SCARB2: variants seen among roughly 807,000 people sequenced by gnomAD.
SCARB2 encodes the protein scavenger receptor class B member 2.
In SCARB2, 29 loss-of-function variants were observed where a neutral mutation model predicts 58.6. The ratio of observed to expected loss-of-function variants is 0.49; its 90% confidence interval spans 0.37 to 0.67. SCARB2 has a LOEUF of 0.67. SCARB2 is among the 30% of genes least tolerant of loss of function. The pLI, the probability that SCARB2 is intolerant of heterozygous loss-of-function variation, is 0.00. For missense variants in SCARB2, 488 were observed against 578.5 expected (o/e 0.84, Z 1.60); for synonymous variants, 195 against 210.1 (o/e 0.93, Z 0.62).
In SCARB2 at chr4:76,213,809, C is replaced by T. The variant is rs1733134177; in HGVS notation, c.-266G>A. On this transcript the variant is annotated 5_prime_UTR_variant, in exon 1 of 12. Transcript: ENST00000264896. ...CCGGGCAGCCGTGGCGCCCGCCTAG[C>T]GCAGCTCGGGAGAGTGCAGGGAGCG... 1.4e-5 allele frequency: 5 copies of T among 357,412 alleles called. No individual in the cohort carries two copies. Among genetic ancestry groups the T allele is most frequent in the Non-Finnish European group, 2.0e-5 (4 of 198,652 alleles). 22.1% of individuals were successfully genotyped at this position (357,412 alleles called of 1,614,324 possible). A position where few individuals can be genotyped will look rare whatever the true frequency, so the allele number is the denominator to read the frequency against.
intron 1 of SCARB2, among the ~76,000 whole-genome samples, chr4:76,228,715 CCTG>C (rs148698211): frequency 0.059 from 8,926 of 152,172 alleles, 283 homozygotes; most frequent in Middle Eastern, 0.088. Context: ...TGTTGAGAAA[CCTG>C]CTATTAATCT....
chr4:76,215,168 G>C (rs1252412919), upstream of SCARB2, among the ~76,000 whole-genome samples: 1 of 152,236 alleles, frequency 6.6e-6, no homozygotes, highest in Non-Finnish European at 1.5e-5. Flanking sequence ...GCAGAGCTCA[G>C]CAGTTGAGGC....
chr4:76,169,067 G>A (rs1444636587), intron 8 of SCARB2, among the ~76,000 whole-genome samples: 2 of 152,210 alleles, frequency 1.3e-5, no homozygotes, highest in African/African-American at 4.8e-5. Context: ...GAACTGATCA[G>A]CTGATGGCTA....
At chr4:76,224,104 TCTG>T (rs2109981604) in intron 1 of SCARB2, among the ~76,000 whole-genome samples, 2 of 152,342 alleles carry the variant, frequency 1.3e-5, no homozygotes, top group South Asian at 4.1e-4. Flanking sequence ...TCACAGGCAA[TCTG>T]CTGAAGAGAT....
At chr4:76,209,795 A>G (rs1231596642) in intron 1 of SCARB2, among the ~76,000 whole-genome samples, 3 of 152,196 alleles carry the variant, frequency 2.0e-5, no homozygotes, top group Non-Finnish European at 2.9e-5. Flanking sequence ...TGTCCTGTTC[A>G]TTGCATCTCT....
chr4:76,215,259 A>C (rs1047717133), upstream of SCARB2, among the ~76,000 whole-genome samples: 1 of 152,214 alleles, frequency 6.6e-6, no homozygotes, highest in Admixed American at 6.5e-5. Context: ...TATTATCCTC[A>C]TTTTACACTC....
intron 7 of SCARB2, 68 bp downstream of exon 7, chr4:76,174,076 T>C: frequency 1.3e-6 from 2 of 1,589,842 alleles, no homozygotes; most frequent in Admixed American, 1.7e-5. Context: ...CAGCTACATA[T>C]TCTTTGTTGA....
chr4:76,170,459 T>G (rs1475690232), intron 7 of SCARB2, among the ~76,000 whole-genome samples: 1 of 152,236 alleles, frequency 6.6e-6, no homozygotes, highest in Non-Finnish European at 1.5e-5. Context: ...AGCACTAGTT[T>G]CAACTACAAT....
In SCARB2 at chr4:76,166,525, AG is replaced by A. The variant is rs1246367179; in HGVS notation, c.1188-225del. The A allele has an allele frequency of 1.3e-4, 78 of 598,990 alleles. No homozygotes were observed. In the East Asian group the frequency reaches 2.1e-3, roughly 16 times the overall value. 37.1% of individuals were successfully genotyped at this position (598,990 alleles called of 1,614,324 possible). On this transcript the variant is annotated intron_variant, in intron 9 of 11. Coordinates refer to ENST00000264896, the MANE Select transcript of SCARB2 (RefSeq NM_005506.4). ...CGTTTATCAAAACACAAGATACTGAAGGCAGATTCCTTAAAATGATGACTAG... is the reference window on the plus strand; with the variant it reads ...CGTTTATCAAAACACAAGATACTGAAGCAGATTCCTTAAAATGATGACTAG...
intron 4 of SCARB2, among the ~76,000 whole-genome samples, chr4:76,177,972 G>A (rs1414840941): frequency 1.3e-5 from 2 of 152,186 alleles, no homozygotes; most frequent in African/African-American, 4.8e-5. Flanking sequence ...GCACAACCTT[G>A]TGACTATACT....
intron 11 of SCARB2, chr4:76,162,814 G>C (rs1191967735): frequency 6.3e-6 from 2 of 317,370 alleles, no homozygotes; most frequent in Non-Finnish European, 1.2e-5. Flanking sequence ...CCATTTTACA[G>C]ATGAAGAAAC....
upstream of SCARB2, among the ~76,000 whole-genome samples, chr4:76,217,938 AT>A (rs946466091): frequency 7.9e-5 from 12 of 152,364 alleles, no homozygotes; most frequent in Admixed American, 3.3e-4. Context: ...TCTACCTTAA[AT>A]TTAGAATGTT....
At chr4:76,222,028 T>C (rs1733318360) in intron 1 of SCARB2, among the ~76,000 whole-genome samples, 1 of 152,174 alleles carries the variant, frequency 6.6e-6, no homozygotes, top group South Asian at 2.1e-4. Context: ...TATACTAATA[T>C]CTCTATATGA....
chr4:76,171,842 T>C (rs1732134396), intron 7 of SCARB2, among the ~76,000 whole-genome samples: 1 of 151,946 alleles, frequency 6.6e-6, no homozygotes, highest in African/African-American at 2.4e-5. Context: ...TGCACAATGG[T>C]CCCCAAATAC....
At chr4:76,217,815 A>G, upstream of SCARB2, 1 of 403,218 alleles carries the variant, frequency 2.5e-6, no homozygotes, top group Non-Finnish European at 4.4e-6. Context: ...AAGTACACTT[A>G]ATGAATGATT....
upstream of SCARB2, chr4:76,214,109 C>G (rs1733148594): frequency 4.9e-6 from 2 of 407,692 alleles, no homozygotes; most frequent in Non-Finnish European, 9.7e-6. Flanking sequence ...CACTCATTTA[C>G]TCATTCCGCA....
intron 1 of SCARB2, among the ~76,000 whole-genome samples, chr4:76,211,193 G>T (rs1392863405): frequency 6.6e-6 from 1 of 152,160 alleles, no homozygotes; most frequent in East Asian, 1.9e-4. Flanking sequence ...TAAGAAAAAA[G>T]AAAATTTGGG....
chr4:76,170,971 T>TATATATATATATAA (rs34900504), intron 7 of SCARB2, among the ~76,000 whole-genome samples: 2,388 of 133,564 alleles, frequency 0.018, 35 homozygotes, highest in Non-Finnish European at 0.023. Flanking sequence ...TATATATATA[T>TATATATATATATAA]AACCAAATAG....
rs1732240254 is a variant in SCARB2 at position 76,175,807 on chromosome 4, G to A, written c.808C>T (p.Pro270Ser). 1.2e-6 allele frequency: 2 copies of A among 1,613,800 alleles called. No homozygotes were observed. Among genetic ancestry groups the A allele is most frequent in the African/African-American group, 1.3e-5 (1 of 74,860 alleles). ...AGCTTTTACCTGCAAAAGTCAGATGGGAAGACATAAAGGACCTCATCTTTG... is the reference window on the plus strand; with the variant it reads ...AGCTTTTACCTGCAAAAGTCAGATGAGAAGACATAAAGGACCTCATCTTTG... ...ITKDEVLYVF[P>S]SDFCRSVYIT... The change falls in exon 6 of 12, where the codon CCA (proline) becomes TCA (serine). Residue 270 changes from proline (P) to serine (S), a missense_variant. Transcript: ENST00000264896.
Sources: allele counts gnomAD v4.1 joint callset (sites outside exome capture counted in the v4.1 genomes callset), GRCh38; gene constraint gnomAD v4.1.1; transcripts MANE v1.5; gene names NCBI Gene and HGNC (gene_info 2026-07-23, HGNC 2026-07-21).